NFRKB: variants seen among roughly 807,000 people sequenced by gnomAD.
NFRKB encodes the protein nuclear factor related to kappaB binding protein, also known as nuclear factor related to kappa-B-binding protein.
NFRKB carries 62 observed loss-of-function variants against 135.7 expected under a neutral mutation model. That is an observed-to-expected ratio of 0.46 (90% CI 0.37 to 0.56). NFRKB has a LOEUF of 0.56. Among genes scored for constraint, NFRKB ranks in the 20% least tolerant of loss-of-function variants. The pLI is 0.00. For missense variants in NFRKB, 1,545 were observed against 1,662.0 expected, an observed-to-expected ratio of 0.93 and a Z score of 1.22; for synonymous variants, 678 against 635.6, an observed-to-expected ratio of 1.07 and a Z score of -1.00.
chr11:129,876,137 A>G (rs1948755547), intron 17 of NFRKB, among the ~76,000 whole-genome samples: 1 of 152,236 alleles, frequency 6.6e-6, no homozygotes, highest in Non-Finnish European at 1.5e-5. Context: ...AGACATTTTC[A>G]TATATTACAG....
chr11:129,893,525 A>C (rs960178255), intron 2 of NFRKB: 1 of 156,196 alleles, frequency 6.4e-6, no homozygotes, highest in South Asian at 1.7e-4. Context: ...ACGCTACTGC[A>C]CTCCAGCCTG....
intron 23 of NFRKB, among the ~76,000 whole-genome samples, chr11:129,871,459 C>T (rs189842667): frequency 1.4e-3 from 219 of 152,236 alleles, no homozygotes; most frequent in Admixed American, 3.3e-3. Flanking sequence ...CACACCTTCC[C>T]GACCACACTT....
At chr11:129,885,657 C>A in intron 5 of NFRKB, 48 bp from the exon 6 acceptor site, 1 of 1,537,758 alleles carries the variant, frequency 6.5e-7, no homozygotes, top group South Asian at 1.2e-5. Flanking sequence ...AAGACCTGTT[C>A]TGGAACAATG....
rs369586428 is a variant in NFRKB at position 129,893,112 on chromosome 11, A to G, written c.-21-242T>C. On this transcript the variant is annotated intron_variant, in intron 2 of 26. Coordinates refer to ENST00000682444, the MANE Select transcript of NFRKB (RefSeq NM_001143835.2). ...CTCCTACAGTAACTCCTAAATTCATAAATTTCATATGCCTTCATTTTACAG... is the reference window on the plus strand; with the variant it reads ...CTCCTACAGTAACTCCTAAATTCATGAATTTCATATGCCTTCATTTTACAG... The G allele has an allele frequency of 8.7e-6, 12 of 1,374,694 alleles. No individual in the cohort carries two copies. The East Asian group carries it at 1.1e-4, about 13-fold the overall frequency. The allele number at this position is 1,374,694 out of a possible 1,614,324, so 85.2% of individuals were successfully genotyped here. A position where few individuals can be genotyped will look rare whatever the true frequency, so the allele number is the denominator to read the frequency against.
chr11:129,875,310 T>G (rs1177703848), intron 18 of NFRKB, 47 bp downstream of exon 18: 13 of 1,444,870 alleles, frequency 9.0e-6, no homozygotes, highest in African/African-American at 2.8e-5. Context: ...TAAGTTTTCT[T>G]AAATCCATTC....
At chr11:129,892,605 T>A in intron 3 of NFRKB, 110 bp downstream of exon 3, 2 of 1,165,704 alleles carry the variant, frequency 1.7e-6, no homozygotes, top group East Asian at 2.4e-5. Context: ...ATGTAGAAAA[T>A]GAACAAAAGG....
At position 129,888,600 on chromosome 11, in the gene NFRKB, A is replaced by C. The variant is rs766710725; in HGVS notation, c.331T>G (p.Phe111Val). The part of the protein sequence containing the change: ...GNPLHIAQKL[F>V]RDGHFNPEVV... ...AGAATACTGAGCTACAAACCTCGGAAAAGCTTCTGGGCAATGTGCAGAGGG... is the reference window on the plus strand; with the variant it reads ...AGAATACTGAGCTACAAACCTCGGACAAGCTTCTGGGCAATGTGCAGAGGG... The change falls in exon 4 of 27, where the codon TTC becomes GTC. Residue 111 changes from phenylalanine (F) to valine (V), a missense_variant. By Grantham distance (50) the Phe-to-Val change is conservative. Transcript: ENST00000682444. 26 of 1,614,088 alleles carry C rather than the reference A, an allele frequency of 1.6e-5. No homozygotes were observed. The highest frequency in any genetic ancestry group is 1.9e-5 in the Non-Finnish European group (23 of 1,180,036).
At chr11:129,879,774 G>C (rs1234052688) in intron 13 of NFRKB, among the ~76,000 whole-genome samples, 1 of 152,080 alleles carries the variant, frequency 6.6e-6, no homozygotes, top group Non-Finnish European at 1.5e-5. Context: ...AGCATCATCT[G>C]TGCCCTGCAC....
rs117313451 is a variant in NFRKB at position 129,879,784 on chromosome 11, C to G, written c.1385-1241G>C. Among the ~76,000 whole-genome samples, 293 of 152,340 alleles carry G rather than the reference C, an allele frequency of 1.9e-3. 1 individual carries two copies. The highest frequency in any genetic ancestry group is 6.3e-3 in the African/African-American group (262 of 41,562). On this transcript the variant is annotated intron_variant, in intron 13 of 26. Coordinates refer to ENST00000682444, the MANE Select transcript of NFRKB (RefSeq NM_001143835.2). Reference sequence around the variant, plus strand: ...GTAACAGCATCATCTGTGCCCTGCACCACACACATGCCAACACTCTCCCCC... The same window carrying G: ...GTAACAGCATCATCTGTGCCCTGCAGCACACACATGCCAACACTCTCCCCC...
chr11:129,893,371 G>A (rs770108582), intron 2 of NFRKB: 4 of 195,872 alleles, frequency 2.0e-5, no homozygotes, highest in Admixed American at 1.5e-4. Context: ...TAGCGAACAT[G>A]GCAAAACCCC....
Position 129,878,358 on chromosome 11 carries a change from G to A in NFRKB, c.1465-3C>T, listed in dbSNP as rs748086208. The A allele has an allele frequency of 1.9e-6, 3 of 1,614,114 alleles. No individual in the cohort carries two copies. Among genetic ancestry groups the A allele is most frequent in the Non-Finnish European group, 2.5e-6 (3 of 1,180,010 alleles). ...TCTGAGCTGTCTTCATTTTCTTGCT[G>A]GAGAAAAAGAAAACGTTGACAGGTA... On this transcript the variant is annotated splice_polypyrimidine_tract_variant and splice_region_variant and intron_variant, in intron 14 of 26. Transcript: ENST00000682444.
chr11:129,889,446 G>A (rs1949434198), intron 3 of NFRKB, among the ~76,000 whole-genome samples: 2 of 151,966 alleles, frequency 1.3e-5, no homozygotes, highest in Admixed American at 1.3e-4. Flanking sequence ...CGCCTCAACT[G>A]AGTGGCAGGA....
intron 2 of NFRKB, chr11:129,893,364 C>A (rs568889584): frequency 5.1e-5 from 17 of 331,740 alleles, no homozygotes; most frequent in Non-Finnish European, 8.6e-5. Flanking sequence ...ACCAGCCTAG[C>A]GAACATGGCA....
intron 24 of NFRKB, among the ~76,000 whole-genome samples, chr11:129,869,034 CAAAT>C (rs1948359439): frequency 6.6e-6 from 1 of 152,214 alleles, no homozygotes; most frequent in Middle Eastern, 3.4e-3. Flanking sequence ...AATAAACAAA[CAAAT>C]AAAGCAAATC....
rs749113837 is a variant in NFRKB, at chr11:129,874,149, G to A, written c.2243C>T (p.Pro748Leu). The change falls in exon 21 of 27, where the codon CCT becomes CTT. Residue 748 changes from proline to leucine, a missense_variant. Physicochemically the swap from Pro to Leu is moderately conservative, Grantham distance 98 (BLOSUM62 -3). This residue lies in a region of NFRKB where 753 missense variants were observed against 804.3 expected (regional missense o/e 0.94). Coordinates refer to ENST00000682444, the MANE Select transcript of NFRKB (RefSeq NM_001143835.2). This position sits in a 1 kb window ranked among gnomAD's most constrained non-coding sequence, Gnocchi z 4.5. ...PPVSAVNKSG[P>L]STVSEPAKSS... Reference sequence around the variant, plus strand: ...CTTAGCTGGTTCTGAGACTGTGGAAGGGCCGCTTTTGTTCACTGCCGATAC... The same window carrying A: ...CTTAGCTGGTTCTGAGACTGTGGAAAGGCCGCTTTTGTTCACTGCCGATAC... 3.3e-6 allele frequency: 5 copies of A among 1,527,770 alleles called. No individual in the cohort carries two copies. The highest frequency in any genetic ancestry group is 2.3e-5 in the East Asian group (1 of 44,126). 94.6% of individuals were successfully genotyped at this position (1,527,770 alleles called of 1,614,324 possible).
rs1215887779 is a variant in NFRKB at position 129,875,495 on chromosome 11, G to C, written c.1748-32C>G. On this transcript the variant is annotated intron_variant, in intron 17 of 26. Coordinates refer to ENST00000682444, the MANE Select transcript of NFRKB (RefSeq NM_001143835.2). ...ACATGAGAAAGCACACAGTCCACAA[G>C]TCAGGCAGGGTTCCTACGGAGGTAC... 2.6e-6 allele frequency: 4 copies of C among 1,533,752 alleles called. No individual in the cohort carries two copies. In the South Asian group the frequency reaches 4.7e-5, roughly 18 times the overall value.
At chr11:129,873,653 C>T (rs1019271098) in intron 22 of NFRKB, 92 bp downstream of exon 22, 1 of 1,515,418 alleles carries the variant, frequency 6.6e-7, no homozygotes, top group Non-Finnish European at 9.0e-7. Context: ...CTATGGCTCC[C>T]CAGTCCTTAC....
intron 17 of NFRKB, 48 bp from the exon 18 acceptor site, chr11:129,875,511 A>G: frequency 6.8e-7 from 1 of 1,461,036 alleles, no homozygotes; most frequent in Non-Finnish European, 9.4e-7. Flanking sequence ...CAGGGTTCCT[A>G]CGGAGGTACA....
At chr11:129,868,506 C>T (rs573760829) in intron 24 of NFRKB, among the ~76,000 whole-genome samples, 2 of 152,312 alleles carry the variant, frequency 1.3e-5, no homozygotes, top group African/African-American at 4.8e-5. Context: ...GCCTTTCAGG[C>T]GGCACCGCTG....
Sources: allele counts gnomAD v4.1 joint callset (sites outside exome capture counted in the v4.1 genomes callset), GRCh38; gene constraint gnomAD v4.1.1; regional missense constraint gnomAD v4.1.1; non-coding constraint Gnocchi (gnomAD v3.1); transcripts MANE v1.5; gene names NCBI Gene and HGNC (gene_info 2026-07-23, HGNC 2026-07-21).